GRIA2: variants seen among roughly 807,000 people sequenced by gnomAD.
GRIA2 encodes the protein glutamate ionotropic receptor AMPA type subunit 2.
GRIA2 carries 14 observed loss-of-function variants against 97.3 expected under a neutral mutation model. The ratio of observed to expected loss-of-function variants is 0.14; its 90% CI spans 0.10 to 0.23. The LOEUF (loss-of-function observed/expected upper bound fraction) is 0.23, where lower values mean the gene tolerates loss of function less well. GRIA2 is among the 10% of genes least tolerant of loss of function. GRIA2 has a pLI of 1.00. For missense variants in GRIA2, 558 were observed against 1,069.8 expected (o/e 0.52, Z 6.67); for synonymous variants, 412 against 387.8 (o/e 1.06, Z -0.73).
At chr4:157,230,059 T>G (rs113715642) in intron 2 of GRIA2, among the ~76,000 whole-genome samples, 2,532 of 152,296 alleles carry the variant, frequency 0.017, 71 homozygotes, top group African/African-American at 0.057. Context: ...GAATATGACC[T>G]AAATTAATAA....
chr4:157,346,971 C>A (rs896369683), intron 12 of GRIA2, among the ~76,000 whole-genome samples: 1 of 152,100 alleles, frequency 6.6e-6, no homozygotes, highest in Non-Finnish European at 1.5e-5. Flanking sequence ...AATGTATTTA[C>A]GAATACATTT....
rs761753966 is a variant in GRIA2 at position 157,341,351 on chromosome 4, C to T, written c.1932C>T (p.Phe644=). ...CCTACACGGCTAACTTAGCTGCCTT[C>T]CTGACTGTAGAGAGGATGGTGTCTC... The part of the protein sequence containing the change: ...ISSYTANLAA[F]LTVERMVSPI... The change falls in exon 12 of 16, where the codon TTC becomes TTT. Residue 644 remains phenylalanine, a synonymous_variant. Coordinates refer to ENST00000264426, the MANE Select transcript of GRIA2 (RefSeq NM_001083619.3). 1 of 1,612,354 alleles carries T rather than the reference C, an allele frequency of 6.2e-7. No homozygotes were observed.
intron 2 of GRIA2, among the ~76,000 whole-genome samples, chr4:157,252,183 C>T (rs1021297729): frequency 2.0e-5 from 3 of 152,044 alleles, no homozygotes; most frequent in Non-Finnish European, 4.4e-5. Flanking sequence ...TTTTTGTATT[C>T]TGCAAAACCA....
At chr4:157,294,307 TGA>T (rs985395848) in intron 2 of GRIA2, among the ~76,000 whole-genome samples, 1 of 152,018 alleles carries the variant, frequency 6.6e-6, no homozygotes, top group Non-Finnish European at 1.5e-5. Flanking sequence ...GACTCTAAAA[TGA>T]TTATTTGGAC....
chr4:157,365,573 A>T lies in GRIA2; in HGVS notation c.*2142A>T, dbSNP rs986003014. The T allele has an allele frequency of 6.6e-6, 1 of 152,010 alleles. No homozygotes were observed. Among genetic ancestry groups the T allele is most frequent in the African/African-American group, 2.4e-5 (1 of 41,404 alleles). The allele number at this position is 152,010 out of a possible 1,614,324, so 9.4% of individuals were successfully genotyped here. A position where few individuals can be genotyped will look rare whatever the true frequency, so the allele number is the denominator to read the frequency against. On this transcript the variant is annotated 3_prime_UTR_variant, in exon 16 of 16. Transcript: ENST00000264426. ...TAGATACAACATGACAAGAATACAT[A>T]ATGTAAGAGTATTTCAACTATGGAT... is the stretch of plus-strand genomic sequence containing the variant.
chr4:157,303,656 A>G lies in GRIA2; in HGVS notation c.334A>G (p.Ile112Val), dbSNP rs544680455. ...SFCGTLHVSFITPSFPTDGTH... is the reference protein window; with the variant it reads ...SFCGTLHVSFVTPSFPTDGTH... ...TTGCGGAACACTCCACGTCTCCTTC[A>G]TCACTCCCAGCTTCCCAACAGATGG... is the stretch of plus-strand genomic sequence containing the variant. Residue 112 changes from isoleucine to valine, a missense_variant, in exon 3 of 16, where the codon ATC (isoleucine) becomes GTC (valine). Transcript: ENST00000264426. The G allele has an allele frequency of 1.9e-6, 3 of 1,614,076 alleles. No homozygotes were observed. Among genetic ancestry groups the G allele is most frequent in the Non-Finnish European group, 2.5e-6 (3 of 1,180,008 alleles).
chr4:157,317,562 A>C (rs1020891807), intron 4 of GRIA2, 96 bp from the exon 5 acceptor site: 3 of 499,128 alleles, frequency 6.0e-6, no homozygotes, highest in Non-Finnish European at 1.1e-5. Context: ...TAGCAGATAA[A>C]ATTCCACGTT....
chr4:157,292,266 G>A (rs1733139663), intron 2 of GRIA2, among the ~76,000 whole-genome samples: 2 of 151,996 alleles, frequency 1.3e-5, no homozygotes, highest in Non-Finnish European at 2.9e-5. Context: ...TAGCAACGTA[G>A]CATAAGATAA....
chr4:157,333,193 T>C (rs766888300), intron 7 of GRIA2, 56 bp from the exon 8 acceptor site: 18 of 1,043,258 alleles, frequency 1.7e-5, no homozygotes, highest in Non-Finnish European at 2.6e-5. Flanking sequence ...CTGTACAGTG[T>C]ATATGTTTGG....
intron 2 of GRIA2, among the ~76,000 whole-genome samples, chr4:157,232,961 C>T (rs1423144055): frequency 5.9e-5 from 9 of 152,124 alleles, no homozygotes; most frequent in South Asian, 4.1e-4. Context: ...TTGCAAGATA[C>T]GCATTAGTCA....
Position 157,221,069 on chromosome 4 carries a change from C to A in GRIA2, c.27C>A (p.Val9=). The change falls in exon 1 of 16, where the codon GTC becomes GTA. Residue 9 remains valine (V), a synonymous_variant. Coordinates refer to ENST00000264426, the MANE Select transcript of GRIA2 (RefSeq NM_001083619.3). The part of the protein sequence containing the change: MQKIMHIS[V]LLSPVLWGLI... ...TGCAAAAGATTATGCATATTTCTGT[C>A]CTCCTTTCTCCTGTTTTATGGGGAC... 1 of 1,588,482 alleles carries A rather than the reference C, an allele frequency of 6.3e-7. No individual in the cohort carries two copies. Among genetic ancestry groups the A allele is most frequent in the Non-Finnish European group, 8.6e-7 (1 of 1,156,680 alleles).
intron 2 of GRIA2, among the ~76,000 whole-genome samples, chr4:157,258,525 A>G (rs1731384247): frequency 6.6e-6 from 1 of 152,074 alleles, no homozygotes; most frequent in Non-Finnish European, 1.5e-5. Flanking sequence ...ATCAATGACA[A>G]TGTATGCCCG....
At chr4:157,302,997 T>A (rs752280308) in intron 2 of GRIA2, among the ~76,000 whole-genome samples, 1 of 152,216 alleles carries the variant, frequency 6.6e-6, no homozygotes, top group Non-Finnish European at 1.5e-5. Context: ...GCTTCTCGAC[T>A]GAGTGACACA....
intron 11 of GRIA2, 44 bp from the exon 12 acceptor site, chr4:157,341,220 G>T (rs1210179828): frequency 7.8e-7 from 1 of 1,277,484 alleles, no homozygotes; most frequent in Admixed American, 1.7e-5. Context: ...TTTTTATTAG[G>T]TCATTCATTT....
intron 2 of GRIA2, among the ~76,000 whole-genome samples, chr4:157,227,911 G>A (rs1464279791): frequency 6.6e-6 from 1 of 151,960 alleles, no homozygotes; most frequent in Non-Finnish European, 1.5e-5. Flanking sequence ...ACATCAAAAT[G>A]TCTATCAAAT....
chr4:157,305,551 C>T (rs1385373158), intron 3 of GRIA2, among the ~76,000 whole-genome samples: 7 of 152,132 alleles, frequency 4.6e-5, no homozygotes, highest in Admixed American at 4.6e-4. Context: ...CCACTCAACT[C>T]TCCATTGCAT....
chr4:157,247,026 G>T (rs934814890), intron 2 of GRIA2, among the ~76,000 whole-genome samples: 2 of 152,016 alleles, frequency 1.3e-5, no homozygotes, highest in African/African-American at 4.8e-5. Context: ...ATGGTACTTG[G>T]CTATTTATTT....
At chr4:157,331,699 G>C (rs1231068059) in intron 6 of GRIA2, among the ~76,000 whole-genome samples, 1 of 151,944 alleles carries the variant, frequency 6.6e-6, no homozygotes, top group Non-Finnish European at 1.5e-5. Context: ...TGGTTTTACT[G>C]TTAGATGGCT....
intron 2 of GRIA2, among the ~76,000 whole-genome samples, chr4:157,240,685 C>T (rs917301326): frequency 6.6e-6 from 1 of 151,582 alleles, no homozygotes; most frequent in South Asian, 2.1e-4. Context: ...CTCTAGAGCA[C>T]CTCCTTAAGT....
Sources: allele counts gnomAD v4.1 joint callset (sites outside exome capture counted in the v4.1 genomes callset), GRCh38; gene constraint gnomAD v4.1.1; transcripts MANE v1.5; gene names NCBI Gene and HGNC (gene_info 2026-07-23, HGNC 2026-07-21).